Variants in MACIR observed in about 807,000 individuals in gnomAD.
The protein encoded by MACIR is UNC119-binding protein C5orf30.
MACIR carries 4 observed loss-of-function variants against 14.3 expected under a neutral mutation model. The ratio of observed to expected loss-of-function variants is 0.28; its 90% CI spans 0.14 to 0.64. The LOEUF (loss-of-function observed/expected upper bound fraction) is 0.64, where lower values mean the gene tolerates loss of function less well. Among genes scored for constraint, MACIR ranks in the 30% least tolerant of loss-of-function variants. MACIR has a pLI of 0.83. For synonymous variants in MACIR, 101 were observed against 102.4 expected, an observed-to-expected ratio of 0.99 and a Z score of 0.08; for missense variants, 228 against 257.6, an observed-to-expected ratio of 0.89 and a Z score of 0.79.
At chr5:103,262,598 T>C (rs1257130939) in intron 1 of MACIR, among the ~76,000 whole-genome samples, 1 of 152,216 alleles carries the variant, frequency 6.6e-6, no homozygotes, top group Non-Finnish European at 1.5e-5. Flanking sequence ...ACTTTTCTAT[T>C]TGTAGAAGCT....
intron 1 of MACIR, among the ~76,000 whole-genome samples, chr5:103,261,654 C>CTTTCTTTCTTTCTTTCTTTTCTTTTCT (rs1804700722): frequency 1.0e-5 from 1 of 95,506 alleles, no homozygotes; most frequent in African/African-American, 4.7e-5. Context: ...TTCTTTCTTT[C>CTTTCTTTCTTTCTTTCTTTTCTTTTCT]TTTCTTTCTT....
intron 1 of MACIR, among the ~76,000 whole-genome samples, chr5:103,264,205 G>A (rs1362234820): frequency 2.0e-5 from 3 of 151,982 alleles, no homozygotes; most frequent in African/African-American, 7.2e-5. Flanking sequence ...AATGATCTTT[G>A]GAGTCAGACC....
chr5:103,274,652 CT>C (rs1246969341), intron 2 of MACIR, among the ~76,000 whole-genome samples: 21 of 150,596 alleles, frequency 1.4e-4, no homozygotes, highest in Admixed American at 1.3e-3. Context: ...GAATAAAGTG[CT>C]GTTTTTTTTT....
At chr5:103,261,468 G>C (rs1367535046) in intron 1 of MACIR, among the ~76,000 whole-genome samples, 3 of 152,144 alleles carry the variant, frequency 2.0e-5, no homozygotes, top group Non-Finnish European at 4.4e-5. Flanking sequence ...TTCCTCCAGA[G>C]ATGTTTTGGT....
At chr5:103,274,704 A>T (rs1805257265) in intron 2 of MACIR, among the ~76,000 whole-genome samples, 1 of 152,008 alleles carries the variant, frequency 6.6e-6, no homozygotes, top group African/African-American at 2.4e-5. Context: ...ATGAATACCC[A>T]AACTTTAAGA....
intron 2 of MACIR, among the ~76,000 whole-genome samples, chr5:103,267,157 C>T (rs545158412): frequency 6.6e-6 from 1 of 152,198 alleles, no homozygotes; most frequent in South Asian, 2.1e-4. Flanking sequence ...CCTTGGCATC[C>T]TTGGGGGATT....
rs542855216 is a variant in MACIR, at chr5:103,272,344, T to G, written c.-23-3553T>G. On this transcript the variant is annotated intron_variant, in intron 2 of 2. Coordinates refer to ENST00000319933, the MANE Select transcript of MACIR (RefSeq NM_033211.4). ...ATAGGTTGACTTTGAGACTGTTCAG[T>G]TTTTACTGTCTTTAGTGTCTTTTTT... is the stretch of plus-strand genomic sequence containing the variant. 3.4e-5 allele frequency among the ~76,000 whole-genome samples: 5 copies of G among 146,818 alleles called. No homozygotes were observed. In the Admixed American group the frequency reaches 3.5e-4, roughly 10 times the overall value.
intron 2 of MACIR, 82 bp from the exon 3 acceptor site, chr5:103,275,815 T>C: frequency 4.3e-6 from 5 of 1,174,890 alleles, no homozygotes; most frequent in South Asian, 1.6e-5. Flanking sequence ...TACTTCATGC[T>C]CCCTGAGCCT....
At chr5:103,271,699 A>G (rs1554237128) in intron 2 of MACIR, among the ~76,000 whole-genome samples, 1 of 152,078 alleles carries the variant, frequency 6.6e-6, no homozygotes, top group African/African-American at 2.4e-5. Context: ...TGTCATTTGA[A>G]AAATTGTATT....
At chr5:103,274,187 C>T (rs561287220) in intron 2 of MACIR, among the ~76,000 whole-genome samples, 2 of 152,062 alleles carry the variant, frequency 1.3e-5, no homozygotes, top group African/African-American at 2.4e-5. Context: ...ATTTGTCATT[C>T]GACTCCGAGT....
intron 2 of MACIR, among the ~76,000 whole-genome samples, chr5:103,275,144 T>G (rs1805274858): frequency 6.6e-6 from 1 of 152,228 alleles, no homozygotes; most frequent in Admixed American, 6.5e-5. Flanking sequence ...TATGATTAAG[T>G]AGTCAATTAA....
chr5:103,263,859 G>C (rs1362401904), intron 1 of MACIR, among the ~76,000 whole-genome samples: 2 of 152,118 alleles, frequency 1.3e-5, no homozygotes, highest in East Asian at 3.9e-4. Flanking sequence ...GGTATTGGTT[G>C]ATACCTTTTT....
rs147509179 is a variant in MACIR at position 103,275,980 on chromosome 5, G to C, written c.61G>C (p.Ala21Pro). 21 of 1,613,878 alleles carry C rather than the reference G, an allele frequency of 1.3e-5. No homozygotes were observed. In the African/African-American group the frequency reaches 2.5e-4, roughly 19 times the overall value. The change falls in exon 3 of 3, where the codon GCT becomes CCT. Residue 21 changes from alanine to proline, a missense_variant. Transcript: ENST00000319933. ...CCTGACCACCTTGCCCTTCCCTGGG[G>C]CTGAGGCCAACTCCCCGGGAAAGGC... ...STLTTLPFPG[A>P]EANSPGKAEA... is the part of the protein sequence containing the mutation.
At chr5:103,262,787 T>TA (rs1461163701) in intron 1 of MACIR, among the ~76,000 whole-genome samples, 25 of 152,218 alleles carry the variant, frequency 1.6e-4, no homozygotes, top group African/African-American at 5.8e-4. Flanking sequence ...TTATATCTTG[T>TA]AGCCTTTGCT....
In MACIR at chr5:103,276,501, C is replaced by A. The variant is rs782700400; in HGVS notation, c.582C>A (p.Thr194=). 53 of 1,612,722 alleles carry A rather than the reference C, an allele frequency of 3.3e-5. No homozygotes were observed. The highest frequency in any genetic ancestry group is 4.4e-5 in the Non-Finnish European group (52 of 1,179,604). Residue 194 remains threonine, a synonymous_variant, in exon 3 of 3, where the codon ACC becomes ACA. Coordinates refer to ENST00000319933, the MANE Select transcript of MACIR (RefSeq NM_033211.4). ...EVLQYQLQHL[T]LRGDRVFARN... ...TACAGTACCAGCTTCAACACCTAAC[C>A]CTCCGAGGGGACCGTGTGTTTGCTA...
chr5:103,267,584 G>T (rs1308442376), intron 2 of MACIR, among the ~76,000 whole-genome samples: 1 of 152,154 alleles, frequency 6.6e-6, no homozygotes, highest in East Asian at 1.9e-4. Context: ...GCCTGTCACT[G>T]AAGGTGTTCA....
At chr5:103,261,702 CTTCCTTT>C (rs1562545902) in intron 1 of MACIR, among the ~76,000 whole-genome samples, 1,226 of 100,422 alleles carry the variant, frequency 0.012, 10 homozygotes, top group African/African-American at 0.023. Context: ...TTCTTTCTTT[CTTCCTTT>C]CTTTCTTTCT....
intron 1 of MACIR, among the ~76,000 whole-genome samples, chr5:103,264,972 G>A (rs949925981): frequency 6.6e-6 from 1 of 152,000 alleles, no homozygotes; most frequent in East Asian, 1.9e-4. Context: ...CCCTCCAACT[G>A]CTTCTGTTGT....
intron 1 of MACIR, among the ~76,000 whole-genome samples, chr5:103,265,495 G>C (rs144218457): frequency 6.6e-6 from 1 of 152,268 alleles, no homozygotes; most frequent in African/African-American, 2.4e-5. Context: ...TTCTTGGCAA[G>C]GCCAGAGCTA....
Sources: gnomAD v4.1 joint callset for allele counts (sites outside exome capture counted in the v4.1 genomes callset) on GRCh38, gnomAD v4.1.1 for gene constraint, MANE v1.5 for transcripts, NCBI Gene and HGNC (gene_info 2026-07-23, HGNC 2026-07-21) for gene names.